The following CCDC7 variants were observed in gnomAD, a reference collection of about 807,000 sequenced individuals.
CCDC7 encodes the protein coiled-coil domain containing 7.
In CCDC7, 183 loss-of-function variants were observed where a neutral mutation model predicts 196.9. That is an observed-to-expected ratio of 0.93 (90% CI 0.82 to 1.05). The LOEUF (loss-of-function observed/expected upper bound fraction) is 1.05. Ranked by LOEUF, CCDC7 falls within the 50% of genes least tolerant of loss-of-function variation. The pLI is 0.00. For synonymous variants in CCDC7, 525 were observed against 484.6 expected (o/e 1.08, Z -1.10); for missense variants, 1,540 against 1,482.2 (o/e 1.04, Z -0.64).
At chr10:32,865,402 T>TACACAC (rs57916933) in intron 41 of CCDC7, among the ~76,000 whole-genome samples, 11 of 148,932 alleles carry the variant, frequency 7.4e-5, no homozygotes, top group African/African-American at 2.7e-4. Context: ...ACTCCTATTA[T>TACACAC]ACACACACAC....
intron 23 of CCDC7, among the ~76,000 whole-genome samples, chr10:32,692,130 G>T (rs1254987574): frequency 2.0e-5 from 3 of 152,208 alleles, no homozygotes; most frequent in Admixed American, 6.5e-5. Context: ...TTTCATTAAA[G>T]CATGAGTCTC....
chr10:32,848,832 A>G, intron 39 of CCDC7, 114 bp downstream of exon 40: 2 of 880,398 alleles, frequency 2.3e-6, no homozygotes, highest in Non-Finnish European at 3.6e-6. Context: ...GAAATATCTT[A>G]GGAAAATTCT....
chr10:32,821,648 C>A (rs529284032), intron 31 of CCDC7, among the ~76,000 whole-genome samples: 1 of 152,274 alleles, frequency 6.6e-6, no homozygotes, highest in African/African-American at 2.4e-5. Flanking sequence ...AGGATGAGCT[C>A]ATGTCCTTTG....
chr10:32,877,753 C>A (rs1348696626), downstream of CCDC7, among the ~76,000 whole-genome samples: 1 of 152,032 alleles, frequency 6.6e-6, no homozygotes, highest in African/African-American at 2.4e-5. Context: ...ACTTTTCAAG[C>A]CTAAATACAA....
At chr10:32,524,223 A>G (rs1017785783) in intron 11 of CCDC7, among the ~76,000 whole-genome samples, 3 of 152,176 alleles carry the variant, frequency 2.0e-5, no homozygotes, top group Non-Finnish European at 2.9e-5. Flanking sequence ...TAAACTAATG[A>G]CAACTTAACA....
intron 20 of CCDC7, among the ~76,000 whole-genome samples, chr10:32,643,015 T>G (rs2139934766): frequency 6.6e-6 from 1 of 152,356 alleles, no homozygotes; most frequent in Non-Finnish European, 1.5e-5. Flanking sequence ...ACGTTAGGAC[T>G]GTAGAAACAT....
In CCDC7 at chr10:32,618,864, C is replaced by T. The variant is rs181190133; in HGVS notation, c.1802-15390C>T. On this transcript the variant is annotated intron_variant, in intron 18 of 41. Coordinates refer to ENST00000639629, the Ensembl canonical transcript of CCDC7. ...AATTTTTTGATTGCTCTTCCTTCCT[C>T]AGGAATACCAACAATGCATAAGTTC... 1.7e-3 allele frequency among the ~76,000 whole-genome samples: 253 copies of T among 152,174 alleles called. 2 individuals carry two copies. The highest frequency in any genetic ancestry group is 5.8e-3 in the African/African-American group (243 of 41,558).
chr10:32,783,251 C>A (rs1474239978), intron 29 of CCDC7, among the ~76,000 whole-genome samples: 1 of 152,066 alleles, frequency 6.6e-6, no homozygotes, highest in East Asian at 1.9e-4. Context: ...AAAATATTTG[C>A]AAATTACATA....
At chr10:32,787,444 A>C (rs969464083) in intron 29 of CCDC7, among the ~76,000 whole-genome samples, 1 of 152,250 alleles carries the variant, frequency 6.6e-6, no homozygotes, top group Admixed American at 6.5e-5. Flanking sequence ...CTTGAATGTA[A>C]CGCAGATGTA....
chr10:32,609,057 C>T (rs1173324788), intron 18 of CCDC7, among the ~76,000 whole-genome samples: 1 of 152,020 alleles, frequency 6.6e-6, no homozygotes, highest in African/African-American at 2.4e-5. Context: ...GAAAATGTTC[C>T]GTGTCCTGGT....
chr10:32,600,736 G>A (rs990518282), intron 18 of CCDC7, among the ~76,000 whole-genome samples: 1 of 152,114 alleles, frequency 6.6e-6, no homozygotes, highest in African/African-American at 2.4e-5. Context: ...TTTAAATAAT[G>A]CAGGAAGTAA....
At chr10:32,761,569 A>G (rs2077471921) in intron 28 of CCDC7, among the ~76,000 whole-genome samples, 1 of 152,008 alleles carries the variant, frequency 6.6e-6, no homozygotes, top group Non-Finnish European at 1.5e-5. Flanking sequence ...CAAGAGCCAC[A>G]TAATGACCTA....
intron 25 of CCDC7, among the ~76,000 whole-genome samples, chr10:32,719,472 C>A (rs563480349): frequency 6.6e-6 from 1 of 152,222 alleles, no homozygotes; most frequent in South Asian, 2.1e-4. Flanking sequence ...AGGGCAAAGA[C>A]TTCATGACTA....
chr10:32,472,506 G>A (rs2133933226), exon 7 of CCDC7: 1 of 1,588,292 alleles, frequency 6.3e-7, no homozygotes, highest in Middle Eastern at 1.9e-4. Context: ...ACCAGAAGCA[G>A]TGAAAAGTTG....
intron 18 of CCDC7, among the ~76,000 whole-genome samples, chr10:32,624,939 A>T (rs1252850303): frequency 7.0e-6 from 1 of 143,648 alleles, no homozygotes; most frequent in Non-Finnish European, 1.5e-5. Context: ...CCCAGTCCAT[A>T]GGTTGCCTTT....
chr10:32,607,977 T>C (rs879468622), intron 18 of CCDC7, among the ~76,000 whole-genome samples: 4 of 152,158 alleles, frequency 2.6e-5, no homozygotes, highest in Admixed American at 1.3e-4. Context: ...TATTACTGAT[T>C]TAATTTTATT....
At chr10:32,513,031 T>C (rs1309565105) in intron 9 of CCDC7, 3 of 152,102 alleles carry the variant, frequency 2.0e-5, no homozygotes, top group African/African-American at 7.2e-5. Context: ...ATAACAAAAG[T>C]GTATGCCATG....
chr10:32,733,199 A>G (rs1029922298), intron 28 of CCDC7, among the ~76,000 whole-genome samples: 3 of 152,056 alleles, frequency 2.0e-5, no homozygotes, highest in Admixed American at 6.6e-5. Context: ...TTTCTTGAAA[A>G]GTTCTCCTAT....
intron 8 of CCDC7, among the ~76,000 whole-genome samples, chr10:32,487,502 G>A (rs992462946): frequency 1.6e-4 from 24 of 152,146 alleles, no homozygotes; most frequent in African/African-American, 3.9e-4. Flanking sequence ...GTCATTCTCC[G>A]TCCAGCTTTG....
Sources: gnomAD v4.1 joint callset for allele counts (sites outside exome capture counted in the v4.1 genomes callset) on GRCh38, gnomAD v4.1.1 for gene constraint, MANE v1.5 for transcripts, NCBI Gene and HGNC (gene_info 2026-07-23, HGNC 2026-07-21) for gene names.